KCNMA1: variants seen among roughly 807,000 people sequenced by gnomAD.
KCNMA1 encodes the protein Calcium-activated potassium channel subunit alpha-1.
Under a neutral mutation model 140.0 loss-of-function variants are expected in KCNMA1, and 29 were observed. That is an observed-to-expected ratio of 0.21 (90% confidence interval 0.15 to 0.28). KCNMA1 has a LOEUF of 0.28. Among genes scored for constraint, KCNMA1 ranks in the 10% least tolerant of loss-of-function variants. The pLI is 1.00. For missense variants in KCNMA1, 880 were observed against 1,602.2 expected (o/e 0.55, Z 7.70); for synonymous variants, 612 against 611.9 (o/e 1.00, Z 0.00).
At chr10:77,260,227 G>C (rs551547904) in intron 2 of KCNMA1, among the ~76,000 whole-genome samples, 1 of 152,212 alleles carries the variant, frequency 6.6e-6, no homozygotes, top group Non-Finnish European at 1.5e-5. Flanking sequence ...GGGATGGGGG[G>C]AGCTGAGGTT....
chr10:76,957,881 C>A (rs879853781), intron 20 of KCNMA1, among the ~76,000 whole-genome samples: 10 of 152,182 alleles, frequency 6.6e-5, no homozygotes, highest in Non-Finnish European at 1.5e-4. Context: ...GTTCCAGCAA[C>A]AATAGAGTCT....
intron 5 of KCNMA1, among the ~76,000 whole-genome samples, chr10:77,126,889 T>G (rs1187513005): frequency 6.6e-6 from 1 of 152,096 alleles, no homozygotes; most frequent in Admixed American, 6.6e-5. Flanking sequence ...GCATGGGCAT[T>G]AAATCCTACC....
Position 77,017,154 on chromosome 10 carries a change from C to T in KCNMA1, c.2015+1859G>A, listed in dbSNP as rs116543702. 8.9e-3 allele frequency among the ~76,000 whole-genome samples: 1,359 copies of T among 152,204 alleles called. 15 individuals are homozygous for T. The highest frequency in any genetic ancestry group is 0.028 in the African/African-American group (1,177 of 41,516). On this transcript the variant is annotated intron_variant, in intron 17 of 27. Coordinates refer to ENST00000286628, the MANE Select transcript of KCNMA1 (RefSeq NM_001161352.2). ...TATAGGAGGTAATTTGTTTTTTGGA[C>T]GGCCTGATATTTGTGACATTCATTA... is the stretch of plus-strand genomic sequence containing the variant.
intron 2 of KCNMA1, among the ~76,000 whole-genome samples, chr10:77,277,792 C>T (rs902769821): frequency 6.6e-6 from 1 of 152,198 alleles, no homozygotes; most frequent in Non-Finnish European, 1.5e-5. Flanking sequence ...CCTGCTTCTA[C>T]ACTTGACCCC....
At chr10:77,429,022 G>A (rs2097090265) in intron 1 of KCNMA1, among the ~76,000 whole-genome samples, 1 of 152,192 alleles carries the variant, frequency 6.6e-6, no homozygotes, top group Non-Finnish European at 1.5e-5. Context: ...AGGCTGCCAG[G>A]AATGCTGGGC....
At chr10:77,469,161 A>G (rs1328200567) in intron 1 of KCNMA1, among the ~76,000 whole-genome samples, 2 of 151,978 alleles carry the variant, frequency 1.3e-5, no homozygotes, top group African/African-American at 4.8e-5. Flanking sequence ...TGTTCTCTCC[A>G]CCCAATACCT....
intron 1 of KCNMA1, chr10:77,587,753 G>C (rs576498475): frequency 1.0e-6 from 1 of 985,370 alleles, no homozygotes; most frequent in East Asian, 1.1e-4. Context: ...GTGCTTTCAT[G>C]TCTTTTATTG....
At chr10:77,450,248 GT>G (rs144022809) in intron 1 of KCNMA1, among the ~76,000 whole-genome samples, 8,411 of 151,890 alleles carry the variant, frequency 0.055, 270 homozygotes, top group Non-Finnish European at 0.07. Flanking sequence ...TAGAGATGGG[GT>G]TTTGCCATGT....
intron 17 of KCNMA1, among the ~76,000 whole-genome samples, chr10:77,018,489 C>A (rs940770222): frequency 6.6e-6 from 1 of 152,148 alleles, no homozygotes; most frequent in South Asian, 2.1e-4. Context: ...TCCTGTGCTG[C>A]ACTTACAGTG....
At chr10:77,114,406 A>C (rs536084530) in intron 6 of KCNMA1, among the ~76,000 whole-genome samples, 1 of 152,352 alleles carries the variant, frequency 6.6e-6, no homozygotes, top group Admixed American at 6.5e-5. Context: ...CGCTGCTGTC[A>C]GCAGGTCACT....
intron 1 of KCNMA1, among the ~76,000 whole-genome samples, chr10:77,530,112 A>G (rs1292842492): frequency 6.6e-6 from 1 of 152,210 alleles, no homozygotes. Context: ...TGCCTCCTCA[A>G]TCTTCTAACT....
At chr10:77,584,815 T>C (rs984122645) in intron 1 of KCNMA1, among the ~76,000 whole-genome samples, 5 of 152,174 alleles carry the variant, frequency 3.3e-5, no homozygotes, top group African/African-American at 7.2e-5. Flanking sequence ...TGACCCAGTC[T>C]TCCAGACCCT....
At chr10:77,348,074 C>T (rs778730394) in intron 2 of KCNMA1, among the ~76,000 whole-genome samples, 56 of 152,122 alleles carry the variant, frequency 3.7e-4, no homozygotes, top group Non-Finnish European at 6.8e-4. Context: ...CTGGACTGTG[C>T]CCCATAGAAA....
At position 77,018,363 on chromosome 10, in the gene KCNMA1, A is replaced by T. The variant is rs149531500; in HGVS notation, c.2015+650T>A. On this transcript the variant is annotated intron_variant, in intron 17 of 27. Coordinates refer to ENST00000286628, the MANE Select transcript of KCNMA1 (RefSeq NM_001161352.2). ...AAATTTCTCCAAGTTCATAAGATAG[A>T]ATCAAATACAATAATATTCCATGTT... Among the ~76,000 whole-genome samples, 55 of 152,332 alleles carry T rather than the reference A, an allele frequency of 3.6e-4. 2 individuals carry two copies. In the East Asian group the frequency reaches 9.8e-3, roughly 27 times the overall value.
At chr10:77,489,631 G>A (rs1029062148) in intron 1 of KCNMA1, among the ~76,000 whole-genome samples, 1 of 152,182 alleles carries the variant, frequency 6.6e-6, no homozygotes, top group African/African-American at 2.4e-5. Flanking sequence ...GAGCCACCGC[G>A]CCTGGCCTGG....
intron 25 of KCNMA1, among the ~76,000 whole-genome samples, chr10:76,905,726 T>A (rs894354924): frequency 2.0e-5 from 3 of 152,240 alleles, no homozygotes; most frequent in Non-Finnish European, 4.4e-5. Flanking sequence ...TCAAGCTATT[T>A]CATGTTCTTC....
At chr10:77,044,740 T>A (rs145175091) in intron 14 of KCNMA1, among the ~76,000 whole-genome samples, 87 of 152,316 alleles carry the variant, frequency 5.7e-4, no homozygotes, top group African/African-American at 2.1e-3. Context: ...ATTGTCATTA[T>A]GAATTCCCCT....
Position 77,108,667 on chromosome 10 carries a change from C to G in KCNMA1, c.1132-95G>C. 3 of 923,642 alleles carry G rather than the reference C, an allele frequency of 3.2e-6. No individual in the cohort carries two copies. 57.2% of individuals were successfully genotyped at this position (923,642 alleles called of 1,614,324 possible). A position where few individuals can be genotyped will look rare whatever the true frequency, so the allele number is the denominator to read the frequency against. ...GTGGGGGCACTAAGATCTGAAAACA[C>G]AAAAGGATTAGGCCTGCAAAGGTAT... On this transcript the variant is annotated intron_variant, in intron 8 of 27. Transcript: ENST00000286628. This position sits in a 1 kb window ranked among gnomAD's most constrained non-coding sequence, Gnocchi z 4.6.
At chr10:76,916,138 T>C (rs575361002) in intron 23 of KCNMA1, among the ~76,000 whole-genome samples, 1 of 152,316 alleles carries the variant, frequency 6.6e-6, no homozygotes, top group East Asian at 1.9e-4. Flanking sequence ...AGAAGGAGTT[T>C]ACTTGCATCT....
Sources: allele counts gnomAD v4.1 joint callset (sites outside exome capture counted in the v4.1 genomes callset), GRCh38; gene constraint gnomAD v4.1.1; non-coding constraint Gnocchi (gnomAD v3.1); transcripts MANE v1.5; gene names NCBI Gene and HGNC (gene_info 2026-07-23, HGNC 2026-07-21).